The following RPS6KA2 variants were observed in gnomAD, a reference collection of about 807,000 sequenced individuals.
RPS6KA2 encodes the protein ribosomal protein S6 kinase alpha-2.
A neutral mutation model predicts 91.8 loss-of-function variants in RPS6KA2; 42 were observed. That is an observed-to-expected ratio of 0.46 (90% CI 0.36 to 0.59). The LOEUF is 0.59. Among genes scored for constraint, RPS6KA2 ranks in the 20% least tolerant of loss-of-function variants. The pLI is 0.00. For synonymous variants in RPS6KA2, 414 were observed against 393.6 expected (o/e 1.05, Z -0.61); for missense variants, 798 against 978.5 (o/e 0.82, Z 2.46).
At chr6:166,839,690 GAGGGGAGGAGAGGAGAGGA>G (rs1780413312) in intron 2 of RPS6KA2, among the ~76,000 whole-genome samples, 1 of 104,278 alleles carries the variant, frequency 9.6e-6, no homozygotes, top group Non-Finnish European at 2.0e-5. Flanking sequence ...CAGGAGAGGA[GAGGGGAGGAGAGGAGAGGA>G]GAGGAGAGGC....
intron 2 of RPS6KA2, among the ~76,000 whole-genome samples, chr6:166,717,288 T>C (rs1476158005): frequency 6.6e-6 from 1 of 152,188 alleles, no homozygotes; most frequent in Non-Finnish European, 1.5e-5. Flanking sequence ...TCTGGGATCA[T>C]TGCTGTGTAT....
At chr6:166,591,880 G>A (rs1173767049) in intron 1 of RPS6KA2, among the ~76,000 whole-genome samples, 1 of 152,180 alleles carries the variant, frequency 6.6e-6, no homozygotes, top group Non-Finnish European at 1.5e-5. Flanking sequence ...AGTTCCACAA[G>A]ACAGAAGGCT....
At chr6:166,690,839 A>G (rs1789186953) in intron 2 of RPS6KA2, among the ~76,000 whole-genome samples, 1 of 152,148 alleles carries the variant, frequency 6.6e-6, no homozygotes, top group Admixed American at 6.5e-5. Flanking sequence ...TCTCAGGGGA[A>G]ATCTCTGACC....
At chr6:166,480,313 G>T (rs1030486573) in intron 10 of RPS6KA2, among the ~76,000 whole-genome samples, 3 of 151,816 alleles carry the variant, frequency 2.0e-5, no homozygotes, top group Non-Finnish European at 2.9e-5. Flanking sequence ...GAAATGTACA[G>T]GTACTGGCTG....
intron 2 of RPS6KA2, among the ~76,000 whole-genome samples, chr6:166,716,329 G>A (rs7768395): frequency 0.85 from 128,629 of 152,122 alleles, 54,816 homozygotes; most frequent in East Asian, 0.96. Flanking sequence ...CAAATAGGAC[G>A]ATGATTTCCC....
chr6:166,790,718 TAAAGA>T (rs1358611132), intron 2 of RPS6KA2, among the ~76,000 whole-genome samples: 2 of 152,196 alleles, frequency 1.3e-5, no homozygotes, highest in Non-Finnish European at 2.9e-5. Context: ...TCAACATTCT[TAAAGA>T]AAAGAATTTT....
At chr6:166,862,727 T>TC (rs1203837266), upstream of RPS6KA2, 119 of 127,912 alleles carry the variant, frequency 9.3e-4, 1 homozygote, top group Non-Finnish European at 1.1e-3. Context: ...GGCAGGTCTT[T>TC]CCCCCCCACC....
chr6:166,722,360 C>T (rs1790200754), intron 2 of RPS6KA2, among the ~76,000 whole-genome samples: 1 of 152,230 alleles, frequency 6.6e-6, no homozygotes, highest in Non-Finnish European at 1.5e-5. Context: ...CTCAACAAAG[C>T]AGGTGAAAGT....
In RPS6KA2 at chr6:166,427,642, T is replaced by G. The variant is rs992297447; in HGVS notation, c.1581+2811A>C. On this transcript the variant is annotated intron_variant, in intron 16 of 20. Coordinates refer to ENST00000265678, the MANE Select transcript of RPS6KA2 (RefSeq NM_021135.6). ...AATCAATGTACAAAAATCACAAGCA[T>G]TCTTATACACCAATAACAGACAACC... Among the ~76,000 whole-genome samples the G allele has an allele frequency of 7.4e-4, 113 of 152,196 alleles. 1 individual carries two copies. Among genetic ancestry groups the G allele is most frequent in the African/African-American group, 2.6e-3 (106 of 41,468 alleles).
chr6:166,678,695 G>A (rs1290966788), intron 2 of RPS6KA2, among the ~76,000 whole-genome samples: 1 of 152,246 alleles, frequency 6.6e-6, no homozygotes, highest in African/African-American at 2.4e-5. Flanking sequence ...AAGGTGGGGT[G>A]AGAAAGGCCA....
At chr6:166,838,277 C>T (rs1424734623) in intron 2 of RPS6KA2, among the ~76,000 whole-genome samples, 1 of 152,252 alleles carries the variant, frequency 6.6e-6, no homozygotes, top group Non-Finnish European at 1.5e-5. Context: ...CAGCCTCTAA[C>T]TTACAAGGTG....
chr6:166,565,497 G>T (rs966611590), intron 1 of RPS6KA2, among the ~76,000 whole-genome samples: 2 of 152,236 alleles, frequency 1.3e-5, no homozygotes, highest in African/African-American at 4.8e-5. Flanking sequence ...GGCTGCCTCT[G>T]CCTACAGTGC....
At chr6:166,432,561 A>G in intron 14 of RPS6KA2, 71 bp from the exon 15 acceptor site, 1 of 930,198 alleles carries the variant, frequency 1.1e-6, no homozygotes, top group Non-Finnish European at 1.7e-6. Flanking sequence ...CTGGTGGACC[A>G]TTGAGTTTGG....
At position 166,423,441 on chromosome 6, in the gene RPS6KA2, C is replaced by T. The variant is rs1320250508; in HGVS notation, c.1582-24G>A. ...ACCTGCAAGACAGAAGGCACAGTGC[C>T]TACTTGGGGGCTGAGGACTGAGCAG... On this transcript the variant is annotated intron_variant, in intron 16 of 20. Coordinates refer to ENST00000265678, the MANE Select transcript of RPS6KA2 (RefSeq NM_021135.6). This position sits in a 1 kb window ranked among gnomAD's most constrained non-coding sequence, Gnocchi z 4.8. The T allele has an allele frequency of 3.8e-6, 6 of 1,594,366 alleles. No homozygotes were observed. The highest frequency in any genetic ancestry group is 5.2e-6 in the Non-Finnish European group (6 of 1,164,992).
At chr6:166,541,201 C>A (rs554606062) in intron 1 of RPS6KA2, among the ~76,000 whole-genome samples, 2 of 152,172 alleles carry the variant, frequency 1.3e-5, no homozygotes, top group Admixed American at 6.5e-5. Flanking sequence ...ATTTTGGTAA[C>A]GAGAGCATGG....
intron 2 of RPS6KA2, among the ~76,000 whole-genome samples, chr6:166,780,880 C>T (rs1039555725): frequency 9.9e-5 from 15 of 152,106 alleles, no homozygotes; most frequent in African/African-American, 3.6e-4. Context: ...TTGTAACACC[C>T]CAGGCTGAGC....
intron 2 of RPS6KA2, among the ~76,000 whole-genome samples, chr6:166,720,372 G>A (rs1356090435): frequency 6.6e-6 from 1 of 152,090 alleles, no homozygotes; most frequent in Non-Finnish European, 1.5e-5. Context: ...TATAATAAAT[G>A]GAGAAATATG....
intron 10 of RPS6KA2, among the ~76,000 whole-genome samples, chr6:166,486,511 G>A (rs1299791615): frequency 6.6e-6 from 1 of 152,266 alleles, no homozygotes; most frequent in Non-Finnish European, 1.5e-5. Context: ...CTGTCTGGGT[G>A]ACAGTTCCCC....
At chr6:166,571,796 C>T (rs1583290141) in intron 1 of RPS6KA2, among the ~76,000 whole-genome samples, 1 of 151,896 alleles carries the variant, frequency 6.6e-6, no homozygotes. Context: ...GCAGCTTGAA[C>T]GGCCTCTGGA....
Sources: gnomAD v4.1 joint callset for allele counts (sites outside exome capture counted in the v4.1 genomes callset) on GRCh38, gnomAD v4.1.1 for gene constraint, Gnocchi (gnomAD v3.1) non-coding constraint, MANE v1.5 for transcripts, NCBI Gene and HGNC (gene_info 2026-07-23, HGNC 2026-07-21) for gene names.